Variants in HNRNPLL observed in about 807,000 individuals in gnomAD.
The protein encoded by HNRNPLL is heterogeneous nuclear ribonucleoprotein L like.
Under a neutral mutation model 67.1 loss-of-function variants are expected in HNRNPLL, and 25 were observed. That is an observed-to-expected ratio of 0.37 (90% CI 0.27 to 0.52). The LOEUF is 0.52. HNRNPLL is among the 20% of genes least tolerant of loss of function. HNRNPLL has a pLI of 0.90. For synonymous variants in HNRNPLL, 267 were observed against 241.7 expected (o/e 1.10, Z -0.97); for missense variants, 542 against 673.9 (o/e 0.80, Z 2.17).
intron 4 of HNRNPLL, among the ~76,000 whole-genome samples, chr2:38,583,338 T>C (rs78187655): frequency 0.03 from 4,500 of 152,288 alleles, 231 homozygotes; most frequent in African/African-American, 0.1. Context: ...GTTGGGGTTT[T>C]CTCTTTATTA....
At position 38,581,648 on chromosome 2, in the gene HNRNPLL, T is replaced by G. The variant is rs142323450; in HGVS notation, c.802+265A>C. ...TCTCCTCCAAAGAGAGAGAGCTGCT[T>G]GGAGAAATGCAAGTCCTTGAACTGC... On this transcript the variant is annotated intron_variant, in intron 6 of 12. Transcript: ENST00000449105. 190 of 518,842 alleles carry G rather than the reference T, an allele frequency of 3.7e-4. No homozygotes were observed. The East Asian group carries it at 5.7e-3, about 16-fold the overall frequency. 32.1% of individuals were successfully genotyped at this position (518,842 alleles called of 1,614,324 possible).
chr2:38,596,137 T>C (rs1667178873), intron 1 of HNRNPLL, among the ~76,000 whole-genome samples: 1 of 152,138 alleles, frequency 6.6e-6, no homozygotes, highest in Admixed American at 6.5e-5. Context: ...TTCCCAACTA[T>C]TTGTCTACCA....
intron 7 of HNRNPLL, among the ~76,000 whole-genome samples, chr2:38,575,115 C>T (rs1273381924): frequency 1.3e-5 from 2 of 151,544 alleles, no homozygotes; most frequent in Non-Finnish European, 3.0e-5. Context: ...GATCTACTGC[C>T]CTAAGTAACA....
intron 1 of HNRNPLL, among the ~76,000 whole-genome samples, chr2:38,591,873 G>A (rs1666970909): frequency 6.6e-6 from 1 of 152,110 alleles, no homozygotes; most frequent in Non-Finnish European, 1.5e-5. Context: ...CTACTCTGGA[G>A]GCTGAGGCAG....
At chr2:38,583,703 G>A in intron 4 of HNRNPLL, 138 bp downstream of exon 4, 1 of 498,730 alleles carries the variant, frequency 2.0e-6, no homozygotes, top group Non-Finnish European at 3.6e-6. Flanking sequence ...GAGTACTGCA[G>A]TTTCATTTTT....
chr2:38,580,290 C>T (rs1281756469), intron 6 of HNRNPLL, among the ~76,000 whole-genome samples: 1 of 152,086 alleles, frequency 6.6e-6, no homozygotes, highest in African/African-American at 2.4e-5. Context: ...CTGTACCAAC[C>T]CAAGGCCAGG....
chr2:38,594,734 G>C (rs532026837), intron 1 of HNRNPLL, among the ~76,000 whole-genome samples: 1 of 152,168 alleles, frequency 6.6e-6, no homozygotes, highest in Non-Finnish European at 1.5e-5. Flanking sequence ...AAAATCACCT[G>C]AGGTCAGGAG....
At chr2:38,583,349 T>C (rs1271087548) in intron 4 of HNRNPLL, among the ~76,000 whole-genome samples, 1 of 152,218 alleles carries the variant, frequency 6.6e-6, no homozygotes, top group African/African-American at 2.4e-5. Context: ...CTCTTTATTA[T>C]TATTATTTAA....
rs868381814 is a variant in HNRNPLL, at chr2:38,574,245, A to G, written c.875-818T>C. On this transcript the variant is annotated intron_variant, in intron 7 of 12. Transcript: ENST00000449105. ...AAAGCTAGAGTGTAGAATGAAAAGA[A>G]ATGAGGGTGGAGAAACTGACACTCA... Among the ~76,000 whole-genome samples, 13 of 151,996 alleles carry G rather than the reference A, an allele frequency of 8.6e-5. No individual in the cohort carries two copies. The Middle Eastern group carries it at 0.01, about 119-fold the overall frequency.
intron 12 of HNRNPLL, chr2:38,565,900 C>G: frequency 2.3e-6 from 1 of 441,390 alleles, no homozygotes; most frequent in Non-Finnish European, 3.0e-6. Context: ...ACCCTTCACA[C>G]ACAGTTTTGA....
chr2:38,567,452 AG>A (rs1229472414), intron 12 of HNRNPLL, among the ~76,000 whole-genome samples: 1 of 152,144 alleles, frequency 6.6e-6, no homozygotes, highest in African/African-American at 2.4e-5. Context: ...TATACACACT[AG>A]GGAAGAAAAA....
intron 12 of HNRNPLL, among the ~76,000 whole-genome samples, chr2:38,564,857 T>C (rs1268825034): frequency 6.6e-6 from 1 of 151,902 alleles, no homozygotes; most frequent in Non-Finnish European, 1.5e-5. Flanking sequence ...TAACTCTCTA[T>C]AAAAGCCAAT....
chr2:38,602,706 T>C lies in HNRNPLL; in HGVS notation c.-80A>G, dbSNP rs1667503300. The C allele has an allele frequency of 7.0e-7, 1 of 1,430,676 alleles. No homozygotes were observed. Among genetic ancestry groups the C allele is most frequent in the African/African-American group, 1.5e-5 (1 of 66,368 alleles). 88.6% of individuals were successfully genotyped at this position (1,430,676 alleles called of 1,614,324 possible). A position where few individuals can be genotyped will look rare whatever the true frequency, so the allele number is the denominator to read the frequency against. On this transcript the variant is annotated 5_prime_UTR_variant, in exon 1 of 13. Transcript: ENST00000449105. ...CGCCTCGGATGCCGCCGGCCAGTCC[T>C]CGCCGCCGGCAGCGCCTCTTCTGCG...
Position 38,602,642 on chromosome 2 carries a change from G to A in HNRNPLL, c.-16C>T, listed in dbSNP as rs1667494558. The A allele has an allele frequency of 1.1e-5, 17 of 1,495,694 alleles. No homozygotes were observed. Among genetic ancestry groups the A allele is most frequent in the Non-Finnish European group, 1.5e-5 (17 of 1,126,338 alleles). The allele number at this position is 1,495,694 out of a possible 1,614,324, so 92.7% of individuals were successfully genotyped here. ...AGGAGGACATGGCGGCGGCCGGAGGGACCGGCTGGCAGGCGGGTGGGGGTG... is the reference window on the plus strand; with the variant it reads ...AGGAGGACATGGCGGCGGCCGGAGGAACCGGCTGGCAGGCGGGTGGGGGTG... On this transcript the variant is annotated 5_prime_UTR_variant, in exon 1 of 13. Transcript: ENST00000449105.
intron 6 of HNRNPLL, among the ~76,000 whole-genome samples, chr2:38,580,707 T>G (rs1031391238): frequency 6.6e-6 from 1 of 152,224 alleles, no homozygotes; most frequent in Non-Finnish European, 1.5e-5. Context: ...TGCCACACAG[T>G]TAGTTGAACA....
chr2:38,600,296 G>A (rs913821709), intron 1 of HNRNPLL, among the ~76,000 whole-genome samples: 3 of 151,224 alleles, frequency 2.0e-5, no homozygotes, highest in African/African-American at 4.8e-5. Context: ...TCCCGCCGGG[G>A]TAACTTAAAA....
intron 6 of HNRNPLL, 41 bp from the exon 7 acceptor site, chr2:38,577,573 C>G (rs367954507): frequency 4.7e-6 from 6 of 1,286,394 alleles, no homozygotes; most frequent in Non-Finnish European, 6.8e-6. Context: ...AATTTTGACC[C>G]AAGTACTTAA....
intron 7 of HNRNPLL, among the ~76,000 whole-genome samples, chr2:38,576,989 C>T (rs35734673): frequency 0.12 from 18,732 of 151,708 alleles, 1,248 homozygotes; most frequent in African/African-American, 0.14. Flanking sequence ...TAAACATGAA[C>T]AAATTTAACT....
chr2:38,582,297 T>C (rs575815771), intron 4 of HNRNPLL, 129 bp from the exon 5 acceptor site: 4 of 716,802 alleles, frequency 5.6e-6, no homozygotes, highest in Non-Finnish European at 7.2e-6. Context: ...AATTTCAGGA[T>C]GAATTTTAAG....
Sources: gnomAD v4.1 joint callset for allele counts (sites outside exome capture counted in the v4.1 genomes callset) on GRCh38, gnomAD v4.1.1 for gene constraint, MANE v1.5 for transcripts, NCBI Gene and HGNC (gene_info 2026-07-23, HGNC 2026-07-21) for gene names.